RGS3: variants seen among roughly 807,000 people sequenced by gnomAD.
The protein encoded by RGS3 is regulator of G protein signaling 3.
In RGS3, 80 loss-of-function variants were observed where a neutral mutation model predicts 132.6. That is an observed-to-expected ratio of 0.60 (90% CI 0.50 to 0.73). The LOEUF (loss-of-function observed/expected upper bound fraction) is 0.73, where lower values mean the gene tolerates loss of function less well. RGS3 is among the 30% of genes least tolerant of loss of function. RGS3 has a pLI of 0.00. For synonymous variants in RGS3, 598 were observed against 620.6 expected (o/e 0.96, Z 0.54); for missense variants, 1,382 against 1,530.8 (o/e 0.90, Z 1.62).
At position 113,507,360 on chromosome 9, in the gene RGS3, G is replaced by A; in HGVS notation, c.1159G>A (p.Val387Ile). Residue 387 changes from valine (V) to isoleucine (I), a missense_variant, in exon 13 of 25, where the codon GTC becomes ATC. By Grantham distance (29) the Val-to-Ile change is conservative. Transcript: ENST00000350696. This position sits in a 1 kb window ranked among gnomAD's most constrained non-coding sequence, Gnocchi z 5.0. ...GGTCAAGCCAGGACCAGATGGCGGGGTCCTGCGGCGGGCCTCCTGCAAGTC... is the reference window on the plus strand; with the variant it reads ...GGTCAAGCCAGGACCAGATGGCGGGATCCTGCGGCGGGCCTCCTGCAAGTC... 1.2e-6 allele frequency: 2 copies of A among 1,613,964 alleles called. No homozygotes were observed. The highest frequency in any genetic ancestry group is 1.7e-6 in the Non-Finnish European group (2 of 1,180,032).
chr9:113,559,174 C>T (rs907329932), intron 19 of RGS3, among the ~76,000 whole-genome samples: 4 of 152,230 alleles, frequency 2.6e-5, no homozygotes, highest in South Asian at 2.1e-4. Flanking sequence ...CTGGCCTCCC[C>T]GTAGCTGAGT....
chr9:113,445,534 A>G (rs944835575), intron 1 of RGS3, among the ~76,000 whole-genome samples: 92 of 152,146 alleles, frequency 6.0e-4, no homozygotes, highest in Middle Eastern at 6.8e-3. Context: ...CTTCCTAGTG[A>G]CACCTGGCCC....
intron 3 of RGS3, among the ~76,000 whole-genome samples, chr9:113,466,910 C>T (rs1237218146): frequency 6.6e-6 from 1 of 152,174 alleles, no homozygotes; most frequent in Non-Finnish European, 1.5e-5. Flanking sequence ...AAAGCAATTG[C>T]TAATCTATTC....
Position 113,485,803 on chromosome 9 carries a change from GAT to G in RGS3, c.689+112_689+113del, listed in dbSNP as rs535547846. 29 of 728,346 alleles carry G rather than the reference GAT, an allele frequency of 4.0e-5. No individual in the cohort carries two copies. In the African/African-American group the frequency reaches 4.6e-4, roughly 11 times the overall value. The allele number at this position is 728,346 out of a possible 1,614,324, so 45.1% of individuals were successfully genotyped here. On this transcript the variant is annotated intron_variant, in intron 7 of 24. Coordinates refer to ENST00000350696, the Ensembl canonical transcript of RGS3. ...ATTAGTGCTTTCTGGATAAATGAGT[GAT>G]AGTGGCAATACTAAATTGCAGAGGC...
chr9:113,453,159 CTCATATGATTAT>C (rs1564437761), intron 1 of RGS3, among the ~76,000 whole-genome samples: 1 of 119,812 alleles, frequency 8.3e-6, no homozygotes, highest in East Asian at 2.3e-4. Flanking sequence ...ATATAATATA[CTCATATGATTAT>C]ATAATATACT....
chr9:113,570,902 C>G (rs1365418618), intron 19 of RGS3, among the ~76,000 whole-genome samples: 2 of 152,198 alleles, frequency 1.3e-5, no homozygotes, highest in African/African-American at 4.8e-5. Flanking sequence ...TCCCAAAGTG[C>G]TGGGATTACA....
In RGS3 at chr9:113,537,238, C is replaced by T. The variant is rs555975027; in HGVS notation, c.2037+320C>T. ...GGCCTCCCTGATGCTGCCTGGCATG[C>T]GTTCACCTCTGCCATTGGGTAGCCT... On this transcript the variant is annotated intron_variant, in intron 19 of 24. Coordinates refer to ENST00000350696, the Ensembl canonical transcript of RGS3. The surrounding 1 kb of genome is among the most constrained non-coding windows in gnomAD (Gnocchi z 4.3). Among the ~76,000 whole-genome samples the T allele has an allele frequency of 1.3e-5, 2 of 152,364 alleles. No individual in the cohort carries two copies. The highest frequency in any genetic ancestry group is 4.8e-5 in the African/African-American group (2 of 41,570).
intron 3 of RGS3, among the ~76,000 whole-genome samples, chr9:113,477,902 C>T (rs1220508343): frequency 6.6e-6 from 1 of 152,188 alleles, no homozygotes; most frequent in East Asian, 1.9e-4. Context: ...TTTCTGATGT[C>T]TCCAGTGCCT....
chr9:113,595,149 GC>G, intron 23 of RGS3, 169 bp downstream of exon 21: 1 of 648,132 alleles, frequency 1.5e-6, no homozygotes, highest in Non-Finnish European at 2.7e-6. Context: ...CCTTGGTCTG[GC>G]CTTGGAGCCA....
In RGS3 at chr9:113,565,311, A is replaced by G. The variant is rs1299076620; in HGVS notation, c.2038-18139A>G. ...AACCACAGAGTTTTCTGTTTAATGG[A>G]AGAAAGAAATCCAGCCTCTCTCCAG... is the stretch of plus-strand genomic sequence containing the variant. On this transcript the variant is annotated intron_variant, in intron 19 of 24. Transcript: ENST00000350696. The surrounding 1 kb of genome is among the most constrained non-coding windows in gnomAD (Gnocchi z 5.7). The G allele has an allele frequency of 7.8e-7, 1 of 1,289,456 alleles. No individual in the cohort carries two copies. The highest frequency in any genetic ancestry group is 5.6e-5 in the East Asian group (1 of 17,990). 79.9% of individuals were successfully genotyped at this position (1,289,456 alleles called of 1,614,324 possible).
At chr9:113,491,047 A>G (rs1478528981) in intron 7 of RGS3, among the ~76,000 whole-genome samples, 1 of 132,702 alleles carries the variant, frequency 7.5e-6, no homozygotes, top group Non-Finnish European at 1.5e-5. Flanking sequence ...ATAATTATAT[A>G]TAACTTAATT....
chr9:113,484,327 CAAAAAAA>C (rs775299940), intron 6 of RGS3, 95 bp downstream of exon 4: 6 of 85,302 alleles, frequency 7.0e-5, no homozygotes, highest in South Asian at 7.8e-4. Context: ...TAGATCTATG[CAAAAAAA>C]AAAAAAAAAA....
At chr9:113,510,124 TATC>T (rs1282236403) in intron 14 of RGS3, among the ~76,000 whole-genome samples, 1 of 151,718 alleles carries the variant, frequency 6.6e-6, no homozygotes, top group African/African-American at 2.4e-5. Flanking sequence ...AAGTCCATGG[TATC>T]ATTCTTATGC....
chr9:113,505,518 A>AAGC, exon 11 of RGS3: 1 of 1,614,042 alleles, frequency 6.2e-7, no homozygotes, highest in Non-Finnish European at 8.5e-7. Flanking sequence ...CAGGCCGTGG[A>AAGC]TTCCGGTAAG....
chr9:113,462,179 G>A (rs745805685), exon 3 of RGS3: 8 of 1,613,840 alleles, frequency 5.0e-6, no homozygotes, highest in Admixed American at 1.7e-5. Flanking sequence ...AGAGGATCAC[G>A]CATGCCAAAG....
chr9:113,482,715 C>G (rs977970120), intron 4 of RGS3, among the ~76,000 whole-genome samples: 1 of 152,202 alleles, frequency 6.6e-6, no homozygotes, highest in East Asian at 1.9e-4. Flanking sequence ...CCCTCGAAGC[C>G]TCATTTTCCC....
chr9:113,560,840 G>T (rs1023182742), intron 19 of RGS3, among the ~76,000 whole-genome samples: 1 of 152,172 alleles, frequency 6.6e-6, no homozygotes, highest in Non-Finnish European at 1.5e-5. Context: ...ACTTTCTTCT[G>T]CAGTGAGTTG....
exon 20 of RGS3, chr9:113,584,377 A>G (rs1442992095): frequency 6.5e-7 from 1 of 1,549,988 alleles, no homozygotes; most frequent in African/African-American, 1.4e-5. Context: ...GCTGGGCCGC[A>G]ATGGTGGCTC....
At chr9:113,587,556 G>A (rs954226695) in intron 20 of RGS3, among the ~76,000 whole-genome samples, 20 of 152,344 alleles carry the variant, frequency 1.3e-4, no homozygotes, top group African/African-American at 1.7e-4. Flanking sequence ...GGCGCAGTAC[G>A]TAGAAAGCTT....
Sources: gnomAD v4.1 joint callset for allele counts (sites outside exome capture counted in the v4.1 genomes callset) on GRCh38, gnomAD v4.1.1 for gene constraint, Gnocchi (gnomAD v3.1) non-coding constraint, MANE v1.5 for transcripts, NCBI Gene and HGNC (gene_info 2026-07-23, HGNC 2026-07-21) for gene names.